CARS2: variants seen among roughly 807,000 people sequenced by gnomAD.
The protein encoded by CARS2 is cysteinyl-tRNA synthetase 2, mitochondrial, also known as probable cysteine--tRNA ligase, mitochondrial.
CARS2 carries 52 observed loss-of-function variants against 68.8 expected under a neutral mutation model. The ratio of observed to expected loss-of-function variants is 0.76; its 90% CI spans 0.61 to 0.95. The LOEUF is 0.95. Among genes scored for constraint, CARS2 ranks in the 40% least tolerant of loss-of-function variants. The pLI is 0.00. For missense variants in CARS2, 780 were observed against 754.2 expected (o/e 1.03, Z -0.40); for synonymous variants, 314 against 303.6 (o/e 1.03, Z -0.36).
exon 1 of CARS2, chr13:110,713,415 C>T (rs2064062228): frequency 9.9e-7 from 1 of 1,011,896 alleles, no homozygotes. Flanking sequence ...CCAACAGGCT[C>T]TGCCTCCAAG....
At chr13:110,663,053 A>G (rs1361878064) in intron 9 of CARS2, 1 of 463,540 alleles carries the variant, frequency 2.2e-6, no homozygotes, top group Non-Finnish European at 4.3e-6. Flanking sequence ...CTCTGAGCCT[A>G]TTAAGGGCAA....
rs1258196513 is a variant in CARS2 at position 110,670,164 on chromosome 13, C to T, written c.786-2691G>A. On this transcript the variant is annotated intron_variant, in intron 7 of 14. Transcript: ENST00000257347. The surrounding 1 kb of genome is among the most constrained non-coding windows in gnomAD (Gnocchi z 4.1). ...ATAGCTGAACAAAAGGCAGCAGAAA[C>T]TTCTGCAGACTTAAACGTTCCTGAC... 6.6e-6 allele frequency among the ~76,000 whole-genome samples: 1 copy of T among 152,232 alleles called. No individual in the cohort carries two copies. Among genetic ancestry groups the T allele is most frequent in the East Asian group, 1.9e-4 (1 of 5,196 alleles).
intron 9 of CARS2, among the ~76,000 whole-genome samples, chr13:110,658,190 C>A (rs2062417816): frequency 6.6e-6 from 1 of 152,030 alleles, no homozygotes; most frequent in Non-Finnish European, 1.5e-5. Context: ...TATAATTCAG[C>A]CTAAAGGAAG....
chr13:110,711,910 A>G (rs2064031691), intron 1 of CARS2, among the ~76,000 whole-genome samples: 1 of 152,276 alleles, frequency 6.6e-6, no homozygotes, highest in Non-Finnish European at 1.5e-5. Flanking sequence ...GACGAATCCA[A>G]ATTTTTACTG....
chr13:110,685,414 C>T (rs1331343188), intron 5 of CARS2, among the ~76,000 whole-genome samples: 1 of 152,192 alleles, frequency 6.6e-6, no homozygotes, highest in Non-Finnish European at 1.5e-5. Context: ...ATCCTCAGGG[C>T]CTCACGTGCT....
At chr13:110,678,427 C>G (rs1032599329) in intron 6 of CARS2, among the ~76,000 whole-genome samples, 1 of 152,150 alleles carries the variant, frequency 6.6e-6, no homozygotes, top group East Asian at 1.9e-4. Flanking sequence ...CCAATATCAC[C>G]CTTTCCACCC....
chr13:110,663,901 T>G, intron 8 of CARS2: 1 of 1,014,122 alleles, frequency 9.9e-7, no homozygotes, highest in Non-Finnish European at 1.2e-6. Context: ...AAAGCTCTCA[T>G]TTGACAAATC....
intron 3 of CARS2, among the ~76,000 whole-genome samples, chr13:110,700,531 C>G (rs901332324): frequency 6.6e-5 from 10 of 152,202 alleles, no homozygotes; most frequent in Admixed American, 3.3e-4. Context: ...CACGAGGAAA[C>G]CCAGGGTGGC....
At chr13:110,646,387 G>T in intron 11 of CARS2, 1 of 234,736 alleles carries the variant, frequency 4.3e-6, no homozygotes, top group South Asian at 8.7e-5. Context: ...ATTGAGGGGA[G>T]TGGCAAGGAA....
chr13:110,696,130 C>T (rs574354136), intron 3 of CARS2, among the ~76,000 whole-genome samples: 1 of 152,258 alleles, frequency 6.6e-6, no homozygotes, highest in East Asian at 1.9e-4. Flanking sequence ...TATGGCTGCA[C>T]AGTATTCCAT....
chr13:110,646,866 C>A, intron 11 of CARS2: 1 of 489,982 alleles, frequency 2.0e-6, no homozygotes, highest in Non-Finnish European at 3.6e-6. Context: ...CCCCTGACCC[C>A]ACACCTCCTG....
chr13:110,666,533 T>G (rs1318405215), intron 8 of CARS2: 4 of 985,196 alleles, frequency 4.1e-6, no homozygotes, highest in African/African-American at 3.5e-5. Context: ...CTGCAGGAAG[T>G]GACTTCGGGG....
Position 110,669,647 on chromosome 13 carries a change from C to A in CARS2, c.786-2174G>T, listed in dbSNP as rs1044154139. 7.2e-5 allele frequency among the ~76,000 whole-genome samples: 11 copies of A among 152,102 alleles called. No individual in the cohort carries two copies. In the East Asian group the frequency reaches 1.5e-3, roughly 21 times the overall value. ...TCCAGTCTACAGCTCCCAGCATGAG[C>A]GACGCAGAAGACGGGTGATTTCTGC... is the stretch of plus-strand genomic sequence containing the variant. On this transcript the variant is annotated intron_variant, in intron 7 of 14. Transcript: ENST00000257347.
chr13:110,708,938 G>C (rs1403947772), upstream of CARS2, among the ~76,000 whole-genome samples: 1 of 151,826 alleles, frequency 6.6e-6, no homozygotes, highest in Non-Finnish European at 1.5e-5. Context: ...ATTTTTAGTA[G>C]AGATGGGGTT....
At chr13:110,688,280 A>C (rs1232992384) in intron 3 of CARS2, among the ~76,000 whole-genome samples, 1 of 152,104 alleles carries the variant, frequency 6.6e-6, no homozygotes, top group Non-Finnish European at 1.5e-5. Context: ...CACAATTTCC[A>C]TTATATAGTA....
chr13:110,707,359 C>T (rs914973244), upstream of CARS2: 3 of 152,196 alleles, frequency 2.0e-5, no homozygotes, highest in African/African-American at 7.2e-5. Context: ...AAACGTGCCT[C>T]TATTGGGCCA....
rs10668818 is a variant in CARS2 at position 110,685,992 on chromosome 13, GA to G, written c.571+1728del. Among the ~76,000 whole-genome samples the G allele has an allele frequency of 6.3e-3, 817 of 128,794 alleles. 6 individuals carry two copies. The highest frequency in any genetic ancestry group is 0.022 in the African/African-American group (757 of 33,790). The allele number at this position is 128,794 out of a possible 152,430, so 84.5% of individuals were successfully genotyped here. A position where few individuals can be genotyped will look rare whatever the true frequency, so the allele number is the denominator to read the frequency against. On this transcript the variant is annotated intron_variant, in intron 5 of 14. Transcript: ENST00000257347. Reference sequence around the variant, plus strand: ...CTACATGTGCTTACCCAGAAAAAATGAAAAAAAAAAAAAAAGAGAAAAAAAG... The same window carrying G: ...CTACATGTGCTTACCCAGAAAAAATGAAAAAAAAAAAAAAGAGAAAAAAAG...
At chr13:110,689,749 A>G (rs1326133033) in intron 3 of CARS2, among the ~76,000 whole-genome samples, 1 of 152,234 alleles carries the variant, frequency 6.6e-6, no homozygotes, top group African/African-American at 2.4e-5. Context: ...CTGGTACTCC[A>G]ATACACTTCA....
At chr13:110,663,337 G>T in intron 9 of CARS2, 114 bp downstream of exon 9, 1 of 1,039,732 alleles carries the variant, frequency 9.6e-7, no homozygotes, top group Non-Finnish European at 1.4e-6. Context: ...CATAAGAAAG[G>T]GGCCAGAGGG....
Sources: allele counts gnomAD v4.1 joint callset (sites outside exome capture counted in the v4.1 genomes callset), GRCh38; gene constraint gnomAD v4.1.1; non-coding constraint Gnocchi (gnomAD v3.1); transcripts MANE v1.5; gene names NCBI Gene and HGNC (gene_info 2026-07-23, HGNC 2026-07-21).